The following HEATR4 variants were observed in gnomAD, a reference collection of about 807,000 sequenced individuals.
The protein encoded by HEATR4 is HEAT repeat-containing protein 4.
In HEATR4, 95 loss-of-function variants were observed where a neutral mutation model predicts 108.8. That is an observed-to-expected ratio of 0.87 (90% CI 0.74 to 1.04). The LOEUF (loss-of-function observed/expected upper bound fraction) is 1.04, where lower values mean the gene tolerates loss of function less well. Ranked by LOEUF, HEATR4 falls within the 50% of genes least tolerant of loss-of-function variation. HEATR4 has a pLI of 0.00. For synonymous variants in HEATR4, 443 were observed against 459.4 expected, an observed-to-expected ratio of 0.96 and a Z score of 0.46; for missense variants, 1,152 against 1,253.8, an observed-to-expected ratio of 0.92 and a Z score of 1.23.
chr14:73,508,412 C>T, intron 8 of HEATR4, 118 bp from the exon 9 acceptor site: 1 of 799,598 alleles, frequency 1.3e-6, no homozygotes, highest in Non-Finnish European at 2.0e-6. Flanking sequence ...CCTTGTGCCC[C>T]ACTCAGTCTA....
intron 17 of HEATR4, among the ~76,000 whole-genome samples, chr14:73,480,627 T>C (rs1172661114): frequency 1.3e-5 from 2 of 152,174 alleles, no homozygotes; most frequent in Non-Finnish European, 2.9e-5. Flanking sequence ...TTGTAGAAGC[T>C]TTATTATAAT....
chr14:73,562,437 C>T (rs188781748), upstream of HEATR4, among the ~76,000 whole-genome samples: 603 of 151,926 alleles, frequency 4.0e-3, 12 homozygotes, highest in South Asian at 0.044. Flanking sequence ...TTGAACAATA[C>T]GAAATCAGTG....
At position 73,521,027 on chromosome 14, in the gene HEATR4, G is replaced by A. The variant is rs766979576; in HGVS notation, c.894C>T (p.Tyr298=). The change falls in exon 4 of 18, where the codon TAC becomes TAT. Residue 298 remains tyrosine (Y), a synonymous_variant. Transcript: ENST00000553558. ...LLPVYYRLPS[Y]FQQAETVEIM... is the part of the protein sequence containing the mutation. Reference sequence around the variant, plus strand: ...TCTCAACTGTCTCTGCTTGTTGGAAGTAACTGGGCAATCTTGGCAGGGGTG... The same window carrying A: ...TCTCAACTGTCTCTGCTTGTTGGAAATAACTGGGCAATCTTGGCAGGGGTG... The A allele has an allele frequency of 1.9e-6, 3 of 1,613,540 alleles. No homozygotes were observed. The Admixed American group carries it at 5.0e-5, about 27-fold the overall frequency.
chr14:73,522,206 A>T, intron 3 of HEATR4, 66 bp downstream of exon 3: 1 of 1,517,004 alleles, frequency 6.6e-7, no homozygotes, highest in Non-Finnish European at 8.9e-7. Flanking sequence ...GTGTGAGTCC[A>T]CCTGGGAGTC....
At chr14:73,576,260 G>GGC in the HEATR4 span, among the ~76,000 whole-genome samples, 2 of 151,906 alleles carry the variant, frequency 1.3e-5, no homozygotes, top group African/African-American at 4.8e-5. Flanking sequence ...CCTCCTTTAA[G>GGC]AATGGAAGTT....
chr14:73,613,065 A>C, the HEATR4 span: 1 of 595,030 alleles, frequency 1.7e-6, no homozygotes, highest in Non-Finnish European at 2.7e-6. Context: ...GAGCTCTGCG[A>C]CCCCCACCGG....
the HEATR4 span, chr14:73,595,878 C>G: frequency 4.8e-6 from 2 of 414,182 alleles, no homozygotes; most frequent in Non-Finnish European, 8.2e-6. Flanking sequence ...GAAAAACATT[C>G]CCACCAGTTA....
chr14:73,503,641 T>C (rs1886622378), intron 10 of HEATR4, among the ~76,000 whole-genome samples: 7 of 149,688 alleles, frequency 4.7e-5, no homozygotes, highest in African/African-American at 1.7e-4. Flanking sequence ...TATTAAAAAT[T>C]TTAAAAAATA....
chr14:73,491,438 C>T, intron 17 of HEATR4: 1 of 1,360,512 alleles, frequency 7.4e-7, no homozygotes, highest in Non-Finnish European at 9.4e-7. Flanking sequence ...CGCGCCGGTC[C>T]GGGTGGTGGA....
Position 73,545,063 on chromosome 14 carries a change from CT to C in HEATR4, c.-152+13687del, listed in dbSNP as rs1163488093. On this transcript the variant is annotated intron_variant, in intron 1 of 17. Transcript: ENST00000553558. ...CCTTAATTTATTATTATTTTCTTTC[CT>C]TTTTTTTTTTTGGAGGCAGGGTCTC... Among the ~76,000 whole-genome samples the C allele has an allele frequency of 1.2e-3, 117 of 101,532 alleles. 3 individuals carry two copies. The highest frequency in any genetic ancestry group is 1.4e-3 in the Non-Finnish European group (66 of 47,070). The allele number at this position is 101,532 out of a possible 152,430, so 66.6% of individuals were successfully genotyped here.
At chr14:73,491,897 T>G (rs746700078) in intron 17 of HEATR4, 2 of 1,612,198 alleles carry the variant, frequency 1.2e-6, no homozygotes, top group South Asian at 2.2e-5. Flanking sequence ...CCAGGCCGGC[T>G]GCTCCCTGCG....
chr14:73,629,943 G>A, the HEATR4 span, among the ~76,000 whole-genome samples: 34 of 151,450 alleles, frequency 2.2e-4, no homozygotes, highest in Admixed American at 1.7e-3. Flanking sequence ...CACCACACCC[G>A]GCCCCAGATT....
At chr14:73,506,665 T>C (rs1273857655) in intron 9 of HEATR4, 94 bp from the exon 10 acceptor site, 1 of 907,016 alleles carries the variant, frequency 1.1e-6, no homozygotes, top group Non-Finnish European at 1.8e-6. Flanking sequence ...CCTGCATAAT[T>C]AATGTCACCA....
chr14:73,520,549 G>T, intron 4 of HEATR4: 2 of 262,418 alleles, frequency 7.6e-6, no homozygotes, highest in Non-Finnish European at 1.4e-5. Flanking sequence ...AAGGGAGAAG[G>T]GTAGATAGAG....
Position 73,531,746 on chromosome 14 carries a change from C to T in HEATR4, c.-151-1502G>A, listed in dbSNP as rs1265479016. On this transcript the variant is annotated intron_variant, in intron 1 of 17. Transcript: ENST00000553558. ...CTTTGAAAAATAAACCTCAGCCAGG[C>T]GCAATGGCTGACACCTGTAATCCCA... Among the ~76,000 whole-genome samples, 12 of 112,942 alleles carry T rather than the reference C, an allele frequency of 1.1e-4. 3 individuals carry two copies. The highest frequency in any genetic ancestry group is 2.0e-4 in the African/African-American group (7 of 34,732). 74.1% of individuals were successfully genotyped at this position (112,942 alleles called of 152,430 possible).
chr14:73,516,860 G>A lies in HEATR4; in HGVS notation c.1210+2163C>T, dbSNP rs146523767. Among the ~76,000 whole-genome samples, 27 of 152,280 alleles carry A rather than the reference G, an allele frequency of 1.8e-4. No homozygotes were observed. The East Asian group carries it at 5.0e-3, about 28-fold the overall frequency. ...GATAATCTAATGCCTGATGATCTGA[G>A]GTGGAACCATTTCATCCTCAAACCA... is the stretch of plus-strand genomic sequence containing the variant. On this transcript the variant is annotated intron_variant, in intron 5 of 17. Coordinates refer to ENST00000553558, the MANE Select transcript of HEATR4 (RefSeq NM_001220484.1).
the HEATR4 span, among the ~76,000 whole-genome samples, chr14:73,631,103 C>T: frequency 6.6e-6 from 1 of 152,122 alleles, no homozygotes; most frequent in African/African-American, 2.4e-5. Context: ...AAATATGACA[C>T]ATGACAATTA....
At chr14:73,603,219 G>T in the HEATR4 span, among the ~76,000 whole-genome samples, 4 of 152,218 alleles carry the variant, frequency 2.6e-5, no homozygotes, top group Non-Finnish European at 5.9e-5. Flanking sequence ...AAGCAGGCAA[G>T]TTGAACTATT....
At chr14:73,593,187 T>C in the HEATR4 span, among the ~76,000 whole-genome samples, 2 of 152,314 alleles carry the variant, frequency 1.3e-5, no homozygotes, top group Non-Finnish European at 2.9e-5. Context: ...CAGACTCCAC[T>C]GCCTTTCTCA....
Sources: gnomAD v4.1 joint callset for allele counts (sites outside exome capture counted in the v4.1 genomes callset) on GRCh38, gnomAD v4.1.1 for gene constraint, MANE v1.5 for transcripts, NCBI Gene and HGNC (gene_info 2026-07-23, HGNC 2026-07-21) for gene names.